Variants in MSRA observed in about 807,000 individuals in gnomAD.
The protein encoded by MSRA is methionine sulfoxide reductase A.
MSRA carries 54 observed loss-of-function variants against 31.3 expected under a neutral mutation model. That is an observed-to-expected ratio of 1.73 (90% confidence interval 1.39 to 2.17). The LOEUF is 2.17. MSRA is among the 30% of genes most tolerant of loss of function. MSRA has a pLI of 0.00. For synonymous variants in MSRA, 169 were observed against 116.5 expected (o/e 1.45, Z -2.90); for missense variants, 507 against 300.9 (o/e 1.69, Z -5.07).
intron 1 of MSRA, among the ~76,000 whole-genome samples, chr8:10,056,824 A>C (rs1162915320): frequency 6.6e-6 from 1 of 152,028 alleles, no homozygotes; most frequent in Non-Finnish European, 1.5e-5. Context: ...CCTTCTCTAT[A>C]TTACCTCCAT....
intron 3 of MSRA, among the ~76,000 whole-genome samples, chr8:10,263,663 G>T (rs559004788): frequency 5.3e-5 from 8 of 151,976 alleles, no homozygotes; most frequent in Non-Finnish European, 1.0e-4. Flanking sequence ...TTGAGGCTTC[G>T]TGCTGGACTC....
intron 5 of MSRA, among the ~76,000 whole-genome samples, chr8:10,421,789 G>A (rs1808827379): frequency 6.6e-6 from 1 of 152,140 alleles, no homozygotes; most frequent in South Asian, 2.1e-4. Flanking sequence ...TGAGGCCTAG[G>A]GGGCTGGGGG....
At chr8:10,087,629 G>A in intron 1 of MSRA, among the ~76,000 whole-genome samples, 1 of 152,290 alleles carries the variant, frequency 6.6e-6, no homozygotes, top group South Asian at 2.1e-4. Flanking sequence ...GGCTAGGTAG[G>A]TCTGTTCTTG....
In MSRA at chr8:10,075,759, T is replaced by C. The variant is rs576379587; in HGVS notation, c.142+21101T>C. 2.0e-5 allele frequency among the ~76,000 whole-genome samples: 3 copies of C among 152,334 alleles called. No homozygotes were observed. In the East Asian group the frequency reaches 5.8e-4, roughly 29 times the overall value. On this transcript the variant is annotated intron_variant, in intron 1 of 5. Coordinates refer to ENST00000317173, the MANE Select transcript of MSRA (RefSeq NM_012331.5). ...AGTCCCGGCATAACTGCTACGGAGA[T>C]CACAGAGCAATATTATTCTCTGGAT...
At chr8:10,354,731 A>AAT (rs1287058383) in intron 5 of MSRA, among the ~76,000 whole-genome samples, 3 of 121,430 alleles carry the variant, frequency 2.5e-5, no homozygotes, top group Non-Finnish European at 3.5e-5. Flanking sequence ...CCAGTTATGT[A>AAT]ATATGTGTGT....
At position 10,154,335 on chromosome 8, in the gene MSRA, C is replaced by T. The variant is rs185646840; in HGVS notation, c.143-53498C>T. Among the ~76,000 whole-genome samples, 512 of 152,118 alleles carry T rather than the reference C, an allele frequency of 3.4e-3. 1 individual carries two copies. The highest frequency in any genetic ancestry group is 0.012 in the African/African-American group (480 of 41,508). ...CCAAATCGGCTTCACTGCTTCAATA[C>T]GATGGAAGGCTGAAGGACACATTTG... On this transcript the variant is annotated intron_variant, in intron 1 of 5. Transcript: ENST00000317173.
rs377475134 is a variant in MSRA, at chr8:10,153,772, G to A, written c.143-54061G>A. On this transcript the variant is annotated intron_variant, in intron 1 of 5. Coordinates refer to ENST00000317173, the MANE Select transcript of MSRA (RefSeq NM_012331.5). Reference sequence around the variant, plus strand: ...AAGAAATATGTTCGAGGAGGAAGCCGTGCAACAGCTTCAGAAAAAAATTCT... The same window carrying A: ...AAGAAATATGTTCGAGGAGGAAGCCATGCAACAGCTTCAGAAAAAAATTCT... 2.4e-4 allele frequency among the ~76,000 whole-genome samples: 36 copies of A among 152,292 alleles called. 1 individual carries two copies. Among genetic ancestry groups the A allele is most frequent in the East Asian group, 1.7e-3 (9 of 5,184 alleles).
At chr8:10,246,391 C>T (rs921737989) in intron 3 of MSRA, among the ~76,000 whole-genome samples, 3 of 152,096 alleles carry the variant, frequency 2.0e-5, no homozygotes, top group South Asian at 2.1e-4. Context: ...CCTGCCAGCT[C>T]AGATAGCATT....
intron 5 of MSRA, among the ~76,000 whole-genome samples, chr8:10,419,353 G>C (rs1808675355): frequency 6.6e-6 from 1 of 152,186 alleles, no homozygotes; most frequent in Non-Finnish European, 1.5e-5. Flanking sequence ...TTGTGAATTT[G>C]AGTAAGGCAT....
intron 1 of MSRA, among the ~76,000 whole-genome samples, chr8:10,158,896 C>T (rs1304067050): frequency 6.6e-6 from 1 of 152,076 alleles, no homozygotes; most frequent in Non-Finnish European, 1.5e-5. Flanking sequence ...TTGCTGTTGT[C>T]TGTGTTTTTG....
chr8:10,243,972 CTT>C (rs1362560554), intron 2 of MSRA, among the ~76,000 whole-genome samples: 1 of 151,960 alleles, frequency 6.6e-6, no homozygotes, highest in Non-Finnish European at 1.5e-5. Context: ...TAATATATAA[CTT>C]TATTCAAATT....
At chr8:10,395,892 C>G (rs1206157969) in intron 5 of MSRA, among the ~76,000 whole-genome samples, 1 of 152,134 alleles carries the variant, frequency 6.6e-6, no homozygotes. Context: ...TGTACAAAAG[C>G]TGAAATCAGA....
At chr8:10,142,384 C>T (rs1215009022) in intron 1 of MSRA, among the ~76,000 whole-genome samples, 1 of 152,200 alleles carries the variant, frequency 6.6e-6, no homozygotes, top group Non-Finnish European at 1.5e-5. Flanking sequence ...GGTCTTAGAG[C>T]TGGCAAGTGA....
intron 1 of MSRA, among the ~76,000 whole-genome samples, chr8:10,144,275 G>C (rs914917021): frequency 3.3e-5 from 5 of 152,150 alleles, no homozygotes; most frequent in Admixed American, 6.6e-5. Flanking sequence ...AGCCATGCTT[G>C]TTAATAGCCT....
intron 3 of MSRA, among the ~76,000 whole-genome samples, chr8:10,271,451 G>C: frequency 6.6e-6 from 1 of 152,166 alleles, no homozygotes; most frequent in East Asian, 1.9e-4. Context: ...AATTGACTAG[G>C]GGAAAAATAA....
intron 1 of MSRA, among the ~76,000 whole-genome samples, chr8:10,120,540 G>A (rs146123230): frequency 1.0e-3 from 156 of 152,242 alleles, no homozygotes; most frequent in Non-Finnish European, 1.6e-3. Flanking sequence ...TTTATCCAGC[G>A]TTACCTCACG....
At chr8:10,211,212 C>T (rs1483677149) in intron 2 of MSRA, among the ~76,000 whole-genome samples, 2 of 152,132 alleles carry the variant, frequency 1.3e-5, no homozygotes, top group South Asian at 4.2e-4. Context: ...AAAGGCATTC[C>T]AGTGTGAAAA....
At chr8:10,261,634 C>T (rs1294360190) in intron 3 of MSRA, among the ~76,000 whole-genome samples, 1 of 152,136 alleles carries the variant, frequency 6.6e-6, no homozygotes, top group Non-Finnish European at 1.5e-5. Context: ...CCGCCTGCCA[C>T]ACATACATCC....
At chr8:10,280,336 T>C (rs1799553621) in intron 3 of MSRA, among the ~76,000 whole-genome samples, 1 of 147,814 alleles carries the variant, frequency 6.8e-6, no homozygotes, top group East Asian at 2.0e-4. Context: ...ATTTTGTTGA[T>C]ATTTTTTACT....
Sources: allele counts gnomAD v4.1 joint callset (sites outside exome capture counted in the v4.1 genomes callset), GRCh38; gene constraint gnomAD v4.1.1; transcripts MANE v1.5; gene names NCBI Gene and HGNC (gene_info 2026-07-23, HGNC 2026-07-21).